The following CACNA2D3 variants were observed in gnomAD, a reference collection of about 807,000 sequenced individuals.
The protein encoded by CACNA2D3 is calcium voltage-gated channel auxiliary subunit alpha2delta 3, also known as voltage-dependent calcium channel subunit alpha-2/delta-3.
Under a neutral mutation model 160.6 loss-of-function variants are expected in CACNA2D3, and 60 were observed. The ratio of observed to expected loss-of-function variants is 0.37; its 90% confidence interval spans 0.30 to 0.46. The LOEUF is 0.46. Among genes scored for constraint, CACNA2D3 ranks in the 20% least tolerant of loss-of-function variants. The pLI is 1.00. For missense variants in CACNA2D3, 1,205 were observed against 1,365.0 expected, an observed-to-expected ratio of 0.88 and a Z score of 1.85; for synonymous variants, 558 against 492.9, an observed-to-expected ratio of 1.13 and a Z score of -1.75.
intron 4 of CACNA2D3, among the ~76,000 whole-genome samples, chr3:54,440,937 C>T (rs1036110221): frequency 5.9e-5 from 9 of 152,192 alleles, no homozygotes; most frequent in Non-Finnish European, 8.8e-5. Context: ...AATAGTGCCA[C>T]CGTAAACATA....
intron 13 of CACNA2D3, among the ~76,000 whole-genome samples, chr3:54,782,101 A>G (rs758300671): frequency 6.6e-6 from 1 of 152,208 alleles, no homozygotes; most frequent in Non-Finnish European, 1.5e-5. Flanking sequence ...GGTAATTGAG[A>G]AAATTTTTGG....
chr3:54,955,171 C>T (rs9821171), intron 27 of CACNA2D3, among the ~76,000 whole-genome samples: 5,389 of 152,252 alleles, frequency 0.035, 308 homozygotes, highest in African/African-American at 0.12. Context: ...AGCTTACATA[C>T]TGTATATACA....
chr3:54,464,686 C>G (rs1352322013), intron 4 of CACNA2D3, among the ~76,000 whole-genome samples: 1 of 152,246 alleles, frequency 6.6e-6, no homozygotes, highest in African/African-American at 2.4e-5. Flanking sequence ...TCACCCCTTT[C>G]TTTGACTAGG....
intron 13 of CACNA2D3, among the ~76,000 whole-genome samples, chr3:54,795,774 A>G (rs1270716537): frequency 6.6e-6 from 1 of 152,180 alleles, no homozygotes; most frequent in African/African-American, 2.4e-5. Flanking sequence ...TTTCTATACT[A>G]AGAGAAAAAA....
chr3:55,050,526 T>C (rs1345275313), intron 35 of CACNA2D3, among the ~76,000 whole-genome samples: 2 of 150,384 alleles, frequency 1.3e-5, no homozygotes, highest in Non-Finnish European at 3.0e-5. Context: ...TCTCTCTGGC[T>C]GCCCTTAACA....
chr3:54,621,428 C>T (rs1263092607), intron 9 of CACNA2D3, among the ~76,000 whole-genome samples: 1 of 152,210 alleles, frequency 6.6e-6, no homozygotes, highest in African/African-American at 2.4e-5. Flanking sequence ...GGCTCATCTC[C>T]CCAGGCATTA....
intron 2 of CACNA2D3, among the ~76,000 whole-genome samples, chr3:54,174,163 A>G (rs892192196): frequency 1.3e-5 from 2 of 152,230 alleles, no homozygotes; most frequent in Non-Finnish European, 2.9e-5. Context: ...TTCATGTACA[A>G]AAACAGGCAA....
Position 54,834,939 on chromosome 3 carries a change from A to G in CACNA2D3, c.1399-2220A>G, listed in dbSNP as rs1270889847. 3.9e-5 allele frequency among the ~76,000 whole-genome samples: 6 copies of G among 152,324 alleles called. 1 individual carries two copies. Among genetic ancestry groups the G allele is most frequent in the South Asian group, 2.1e-4 (1 of 4,828 alleles). On this transcript the variant is annotated intron_variant, in intron 14 of 37. Transcript: ENST00000474759. Reference sequence around the variant, plus strand: ...CTTGTCTTTTCTCTTAAGGCCTTCAATGGATTGGATGAGACCCACCCACAT... The same window carrying G: ...CTTGTCTTTTCTCTTAAGGCCTTCAGTGGATTGGATGAGACCCACCCACAT...
rs1702055443 is a variant in CACNA2D3, at chr3:54,245,472, GC to G, written c.205-74969del. Among the ~76,000 whole-genome samples the G allele has an allele frequency of 3.9e-5, 6 of 152,086 alleles. No individual in the cohort carries two copies. In the South Asian group the frequency reaches 1.2e-3, roughly 32 times the overall value. On this transcript the variant is annotated intron_variant, in intron 2 of 37. Transcript: ENST00000474759. ...TGGTGGCTCATGTTCAAGGGTTGAGGCTTTTGACCTAAGGCCAGGCCTGCTC... is the reference window on the plus strand; with the variant it reads ...TGGTGGCTCATGTTCAAGGGTTGAGGTTTTGACCTAAGGCCAGGCCTGCTC...
At chr3:54,646,190 CCTTGCTTCCTTCCTTCCT>C (rs1559537991) in intron 11 of CACNA2D3, among the ~76,000 whole-genome samples, 743 of 15,572 alleles carry the variant, frequency 0.048, 45 homozygotes, top group African/African-American at 0.09. Flanking sequence ...CTCCCTCCTT[CCTTGCTTCCTTCCTTCCT>C]TCCTTCCTTC....
intron 29 of CACNA2D3, among the ~76,000 whole-genome samples, chr3:54,984,223 C>T (rs545707176): frequency 1.3e-5 from 2 of 152,032 alleles, no homozygotes; most frequent in African/African-American, 4.8e-5. Context: ...GCTTTCAAAA[C>T]AGCCTGCACT....
chr3:54,141,099 G>GCGCACGTGCGCA (rs1553731398), intron 2 of CACNA2D3, among the ~76,000 whole-genome samples: 1 of 121,128 alleles, frequency 8.3e-6, no homozygotes, highest in African/African-American at 3.5e-5. Flanking sequence ...GCGCGCGCGC[G>GCGCACGTGCGCA]TGTGTGCATG....
chr3:54,979,826 T>G (rs892563921), intron 29 of CACNA2D3, among the ~76,000 whole-genome samples: 25 of 152,160 alleles, frequency 1.6e-4, no homozygotes, highest in African/African-American at 5.6e-4. Context: ...ATAAACCATC[T>G]CTTGAAGAAG....
chr3:54,352,066 G>T (rs576729313), intron 3 of CACNA2D3, among the ~76,000 whole-genome samples: 1 of 152,298 alleles, frequency 6.6e-6, no homozygotes, highest in Non-Finnish European at 1.5e-5. Flanking sequence ...ATACGCTTGT[G>T]TTATTTCCCC....
At chr3:54,679,248 A>G (rs554578746) in intron 11 of CACNA2D3, among the ~76,000 whole-genome samples, 43 of 152,236 alleles carry the variant, frequency 2.8e-4, no homozygotes, top group African/African-American at 9.6e-4. Flanking sequence ...ACAGCTGCAA[A>G]ATAATTAGCT....
chr3:54,420,188 G>T (rs1699816448), intron 4 of CACNA2D3, among the ~76,000 whole-genome samples: 1 of 150,818 alleles, frequency 6.6e-6, no homozygotes. Flanking sequence ...GAGTTCAAGT[G>T]ATTCTCCTGC....
intron 4 of CACNA2D3, among the ~76,000 whole-genome samples, chr3:54,401,520 T>G (rs968807508): frequency 6.6e-6 from 1 of 152,120 alleles, no homozygotes; most frequent in African/African-American, 2.4e-5. Context: ...TCAGGTCACA[T>G]ATAAGGGAAA....
chr3:54,280,290 C>T (rs1407435714), intron 2 of CACNA2D3, among the ~76,000 whole-genome samples: 1 of 152,014 alleles, frequency 6.6e-6, no homozygotes, highest in Non-Finnish European at 1.5e-5. Context: ...ACCATGTTAG[C>T]GAGGATGGTC....
intron 35 of CACNA2D3, among the ~76,000 whole-genome samples, chr3:55,034,313 CAT>C (rs758488591): frequency 7.2e-5 from 11 of 151,798 alleles, no homozygotes; most frequent in Non-Finnish European, 1.5e-4. Context: ...GAACATCTGT[CAT>C]ATGTTTTAAG....
Sources: allele counts gnomAD v4.1 joint callset (sites outside exome capture counted in the v4.1 genomes callset), GRCh38; gene constraint gnomAD v4.1.1; transcripts MANE v1.5; gene names NCBI Gene and HGNC (gene_info 2026-07-23, HGNC 2026-07-21).